CARD6: variants seen among roughly 807,000 people sequenced by gnomAD.
CARD6 encodes caspase recruitment domain-containing protein 6.
Under a neutral mutation model 23.6 loss-of-function variants are expected in CARD6, and 27 were observed. The ratio of observed to expected loss-of-function variants is 1.14; its 90% CI spans 0.84 to 1.58. The LOEUF is 1.58. CARD6 is among the 40% of genes most tolerant of loss of function. The probability of loss-of-function intolerance (pLI) is 0.00; values close to 1 mark genes in which losing one functional copy is unlikely to be tolerated. For missense variants in CARD6, 1,214 were observed against 1,209.9 expected, an observed-to-expected ratio of 1.00 and a Z score of -0.05; for synonymous variants, 397 against 431.8, an observed-to-expected ratio of 0.92 and a Z score of 1.00.
chr5:40,852,923 A>G lies in CARD6; in HGVS notation c.1591A>G (p.Asn531Asp). 6 of 1,614,198 alleles carry G rather than the reference A, an allele frequency of 3.7e-6. No homozygotes were observed. Among genetic ancestry groups the G allele is most frequent in the Non-Finnish European group, 3.4e-6 (4 of 1,180,032 alleles). ...TTTCCAAAAGCCTGTTGCTCTGGCT[A>G]ATCTCCGTGGAAATCTAGAAAGCTT... is the stretch of plus-strand genomic sequence containing the variant. The part of the protein sequence containing the change: ...PFFQKPVALA[N>D]LRGNLESFWT... Residue 531 changes from asparagine to aspartate, a missense_variant, in exon 3 of 3, where the codon AAT (asparagine) becomes GAT (aspartate). Transcript: ENST00000254691.
rs573538836 is a variant in CARD6 at position 40,854,441 on chromosome 5, C to A, written c.3109C>A (p.His1037Asn). ...SKAGQKRGGK[H>N] ...AGCAGGGCAGAAGAGGGGAGGGAAG[C>A]ATTAAAGAGCTAACTCCAGAGATCT... Residue 1037 changes from histidine to asparagine, a missense_variant, in exon 3 of 3, where the codon CAT becomes AAT. Physicochemically the swap from His to Asn is moderately conservative, Grantham distance 68. Transcript: ENST00000254691. 28 of 1,609,552 alleles carry A rather than the reference C, an allele frequency of 1.7e-5. 2 individuals are homozygous for A. In the South Asian group the frequency reaches 2.7e-4, roughly 16 times the overall value.
In CARD6 at chr5:40,852,976, A is replaced by G; in HGVS notation, c.1644A>G (p.Glu548=). 1 of 1,614,108 alleles carries G rather than the reference A, an allele frequency of 6.2e-7. No individual in the cohort carries two copies. Among genetic ancestry groups the G allele is most frequent in the Non-Finnish European group, 8.5e-7 (1 of 1,180,010 alleles). ...GGACTCAGTTTGGTTTTTTGATGGAAGTTTCTTCAGCTGTGTTTTTTTTCA... is the reference window on the plus strand; with the variant it reads ...GGACTCAGTTTGGTTTTTTGATGGAGGTTTCTTCAGCTGTGTTTTTTTTCA... The part of the protein sequence containing the change: ...SFWTQFGFLM[E]VSSAVFFFTD... The change falls in exon 3 of 3, where the codon GAA becomes GAG. Residue 548 remains glutamate (E), a synonymous_variant. Transcript: ENST00000254691.
Position 40,853,631 on chromosome 5 carries a change from CA to C in CARD6, c.2300del (p.His767LeufsTer34). On this transcript the variant is annotated frameshift_variant, in exon 3 of 3. Coordinates refer to ENST00000254691, the MANE Select transcript of CARD6 (RefSeq NM_032587.4). LOFTEE classifies it low-confidence loss of function (END_TRUNC). ...FGSEQRPKWFHPLPFQNAGAQ... is the reference protein window; with the variant it reads ...FGSEQRPKWFXPLPFQNAGAQ... ...GTCAGAGCAGAGGCCTAAGTGGTTCCATCCTTTGCCTTTTCAGAATGCAGGG... is the reference window on the plus strand; with the variant it reads ...GTCAGAGCAGAGGCCTAAGTGGTTCCTCCTTTGCCTTTTCAGAATGCAGGG... 1 of 1,614,228 alleles carries C rather than the reference CA, an allele frequency of 6.2e-7. No homozygotes were observed. Among genetic ancestry groups the C allele is most frequent in the Admixed American group, 1.7e-5 (1 of 60,028 alleles).
At position 40,843,240 on chromosome 5, in the gene CARD6, G is replaced by C. The variant is rs148880911; in HGVS notation, c.372G>C (p.Gln124His). 217 of 1,614,030 alleles carry C rather than the reference G, an allele frequency of 1.3e-4. 3 individuals carry two copies. In the East Asian group the frequency reaches 3.8e-3, roughly 28 times the overall value. ...ATGCTTTTTCTCCTGGAATAAAACA[G>C]CCTGAAGCCCCTGAGATCACAGTGT... ...SEDAFSPGIK[Q>H]PEAPEITVFF... Residue 124 changes from glutamine to histidine, a missense_variant, in exon 2 of 3, where the codon CAG (glutamine) becomes CAC (histidine). Coordinates refer to ENST00000254691, the MANE Select transcript of CARD6 (RefSeq NM_032587.4).
intron 2 of CARD6, among the ~76,000 whole-genome samples, chr5:40,849,683 A>G (rs567949394): frequency 4.6e-5 from 7 of 152,182 alleles, no homozygotes; most frequent in Non-Finnish European, 1.0e-4. Context: ...TGTATTTATA[A>G]GATGTAGGTA....
Position 40,854,128 on chromosome 5 carries a change from G to A in CARD6, c.2796G>A (p.Gly932=). The A allele has an allele frequency of 6.2e-7, 1 of 1,614,138 alleles. No homozygotes were observed. Among genetic ancestry groups the A allele is most frequent in the Non-Finnish European group, 8.5e-7 (1 of 1,180,022 alleles). ...CTTCAAATCCAGCTCTCCAAATAGG[G>A]TCCCATCCCATGTGCAAGAGCTCTC... The part of the protein sequence containing the change: ...GGASNPALQI[G]SHPMCKSSQF... The change falls in exon 3 of 3, where the codon GGG becomes GGA. Residue 932 remains glycine, a synonymous_variant. Coordinates refer to ENST00000254691, the MANE Select transcript of CARD6 (RefSeq NM_032587.4).
chr5:40,844,872 T>C (rs1473088068), intron 2 of CARD6, among the ~76,000 whole-genome samples: 1 of 150,702 alleles, frequency 6.6e-6, no homozygotes, highest in Non-Finnish European at 1.5e-5. Flanking sequence ...TTCCTTCTTT[T>C]TTTTTTTTTT....
intron 2 of CARD6, among the ~76,000 whole-genome samples, chr5:40,848,332 C>T (rs1318623397): frequency 1.3e-5 from 2 of 151,852 alleles, no homozygotes; most frequent in East Asian, 3.9e-4. Flanking sequence ...CCTCCCACCT[C>T]GGCCTCTCAA....
rs1745854358 is a variant in CARD6 at position 40,841,367 on chromosome 5, A to G, written c.-16A>G. On this transcript the variant is annotated 5_prime_UTR_variant, in exon 1 of 3. Coordinates refer to ENST00000254691, the MANE Select transcript of CARD6 (RefSeq NM_032587.4). ...GATTTCATAATATATTTCCTGGTTT[A>G]GAGGAAACAGGAACAATGGCTACCG... 1.9e-6 allele frequency: 3 copies of G among 1,567,590 alleles called. No individual in the cohort carries two copies. Among genetic ancestry groups the G allele is most frequent in the South Asian group, 1.2e-5 (1 of 85,510 alleles).
intron 2 of CARD6, among the ~76,000 whole-genome samples, chr5:40,849,217 G>A (rs528323885): frequency 2.0e-5 from 3 of 152,144 alleles, no homozygotes; most frequent in African/African-American, 4.8e-5. Context: ...GGCTGGTCTC[G>A]AACTCCTGAC....
At chr5:40,850,625 G>A (rs1206295890) in intron 2 of CARD6, among the ~76,000 whole-genome samples, 2 of 142,546 alleles carry the variant, frequency 1.4e-5, no homozygotes, top group African/African-American at 5.2e-5. Flanking sequence ...GGGAGGGTGA[G>A]ACAGGAGAAT....
In CARD6 at chr5:40,854,133, A is replaced by C; in HGVS notation, c.2801A>C (p.His934Pro). 6.2e-7 allele frequency: 1 copy of C among 1,614,186 alleles called. No homozygotes were observed. The highest frequency in any genetic ancestry group is 8.5e-7 in the Non-Finnish European group (1 of 1,180,028). Residue 934 changes from histidine (H) to proline (P), a missense_variant, in exon 3 of 3, where the codon CAT becomes CCT. Coordinates refer to ENST00000254691, the MANE Select transcript of CARD6 (RefSeq NM_032587.4). ...AATCCAGCTCTCCAAATAGGGTCCC[A>C]TCCCATGTGCAAGAGCTCTCAGTTC... ...ASNPALQIGSHPMCKSSQFKS... is the reference protein window; with the variant it reads ...ASNPALQIGSPPMCKSSQFKS...
At chr5:40,846,238 CT>C in intron 2 of CARD6, among the ~76,000 whole-genome samples, 1 of 152,008 alleles carries the variant, frequency 6.6e-6, no homozygotes, top group Non-Finnish European at 1.5e-5. Context: ...GTCTCGAACT[CT>C]TGACCTCAGG....
At chr5:40,842,269 A>G (rs966469562) in intron 1 of CARD6, among the ~76,000 whole-genome samples, 10 of 152,250 alleles carry the variant, frequency 6.6e-5, no homozygotes, top group East Asian at 5.8e-4. Context: ...GTAAATTACT[A>G]CTAGGACTAG....
chr5:40,844,050 G>A (rs1322424848), intron 2 of CARD6, among the ~76,000 whole-genome samples: 2 of 152,116 alleles, frequency 1.3e-5, no homozygotes, highest in Non-Finnish European at 2.9e-5. Flanking sequence ...CTATTTCTCA[G>A]GTTAAACCAC....
In CARD6 at chr5:40,852,956, C is replaced by T. The variant is rs62357606; in HGVS notation, c.1624C>T (p.Gln542Ter). Reference sequence around the variant, plus strand: ...TGGAAATCTAGAAAGCTTTTGGACTCAGTTTGGTTTTTTGATGGAAGTTTC... The same window carrying T: ...TGGAAATCTAGAAAGCTTTTGGACTTAGTTTGGTTTTTTGATGGAAGTTTC... The part of the protein sequence containing the change: ...LRGNLESFWT[Q>*]FGFLMEVSSA... Residue 542 changes from glutamine to a stop codon, truncating the protein, a stop_gained, in exon 3 of 3, where the codon CAG becomes TAG. Coordinates refer to ENST00000254691, the MANE Select transcript of CARD6 (RefSeq NM_032587.4). LOFTEE classifies it low-confidence loss of function (END_TRUNC). 2 of 1,614,126 alleles carry T rather than the reference C, an allele frequency of 1.2e-6. No homozygotes were observed. Among genetic ancestry groups the T allele is most frequent in the Non-Finnish European group, 1.7e-6 (2 of 1,180,028 alleles).
At chr5:40,841,706 G>T in intron 1 of CARD6, 41 bp downstream of exon 1, 2 of 1,411,448 alleles carry the variant, frequency 1.4e-6, no homozygotes, top group South Asian at 1.6e-5. Context: ...AGAGGAAGGG[G>T]GCAGACTTTC....
At position 40,855,334 on chromosome 5, in the gene CARD6, A is replaced by G. The variant is rs1746173228; in HGVS notation, c.*888A>G. The G allele has an allele frequency of 6.6e-6, 1 of 152,358 alleles. No homozygotes were observed. The highest frequency in any genetic ancestry group is 6.5e-5 in the Admixed American group (1 of 15,278). The allele number at this position is 152,358 out of a possible 1,614,324, so 9.4% of individuals were successfully genotyped here. ...AGAAATAATGAATTAACAACCAATA[A>G]AATTAATCATTTGGCATTAACTTTG... On this transcript the variant is annotated 3_prime_UTR_variant, in exon 3 of 3. Coordinates refer to ENST00000254691, the MANE Select transcript of CARD6 (RefSeq NM_032587.4).
chr5:40,844,805 C>T (rs1745938382), intron 2 of CARD6, among the ~76,000 whole-genome samples: 1 of 151,652 alleles, frequency 6.6e-6, no homozygotes, highest in Admixed American at 6.6e-5. Flanking sequence ...TTTCTTGTCT[C>T]ACTCTTTTGG....
Sources: allele counts gnomAD v4.1 joint callset (sites outside exome capture counted in the v4.1 genomes callset), GRCh38; gene constraint gnomAD v4.1.1; transcripts MANE v1.5; gene names NCBI Gene and HGNC (gene_info 2026-07-23, HGNC 2026-07-21).